FLNB: variants seen among roughly 807,000 people sequenced by gnomAD.
FLNB encodes filamin B.
FLNB carries 111 observed loss-of-function variants against 250.6 expected under a neutral mutation model. That is an observed-to-expected ratio of 0.44 (90% CI 0.38 to 0.52). The LOEUF (loss-of-function observed/expected upper bound fraction) is 0.52, where lower values mean the gene tolerates loss of function less well. Among genes scored for constraint, FLNB ranks in the 20% least tolerant of loss-of-function variants. The pLI is 0.00. For synonymous variants in FLNB, 1,302 were observed against 1,372.1 expected (o/e 0.95, Z 1.13); for missense variants, 2,869 against 3,447.8 (o/e 0.83, Z 4.20).
chr3:58,148,308 C>A lies in FLNB; in HGVS notation c.5831C>A (p.Ala1944Asp). 1 of 1,614,080 alleles carries A rather than the reference C, an allele frequency of 6.2e-7. No individual in the cohort carries two copies. The highest frequency in any genetic ancestry group is 8.5e-7 in the Non-Finnish European group (1 of 1,179,978). Residue 1944 changes from alanine to aspartate, a missense_variant, in exon 35 of 46, where the codon GCC (alanine) becomes GAC (aspartate). This residue lies in a region of FLNB where 1,084 missense variants were observed against 1,315.5 expected (regional missense o/e 0.82). Coordinates refer to ENST00000295956, the MANE Select transcript of FLNB (RefSeq NM_001457.4). ...AGCAGCCTGACGGCCAGCATTAAGGCCCCATCTGGCCGAGACGAGCCCTGT... is the reference window on the plus strand; with the variant it reads ...AGCAGCCTGACGGCCAGCATTAAGGACCCATCTGGCCGAGACGAGCCCTGT... Reference protein sequence around the residue: ...DLSSLTASIKAPSGRDEPCLL... With the variant: ...DLSSLTASIKDPSGRDEPCLL...
intron 2 of FLNB, 87 bp downstream of exon 2, chr3:58,077,381 TTTGC>T (rs2097203173): frequency 2.0e-6 from 3 of 1,486,996 alleles, no homozygotes. Flanking sequence ...GAATGCTATC[TTTGC>T]TTTGATTAGC....
chr3:58,044,692 T>A (rs542508332), intron 1 of FLNB, among the ~76,000 whole-genome samples: 1 of 152,254 alleles, frequency 6.6e-6, no homozygotes, highest in Non-Finnish European at 1.5e-5. Context: ...TAGGAAGATA[T>A]CAGCTGAAGC....
intron 4 of FLNB, among the ~76,000 whole-genome samples, chr3:58,094,443 A>C (rs1370428979): frequency 1.3e-5 from 2 of 152,266 alleles, no homozygotes; most frequent in Non-Finnish European, 2.9e-5. Flanking sequence ...TAAAAAGGTT[A>C]ATTAAAAAAA....
intron 4 of FLNB, among the ~76,000 whole-genome samples, chr3:58,092,401 T>C (rs1259936293): frequency 2.6e-5 from 4 of 152,230 alleles, no homozygotes; most frequent in African/African-American, 7.2e-5. Flanking sequence ...CCCAGCACTT[T>C]GGGAGGCTGA....
At chr3:58,122,825 G>A (rs575363705) in intron 20 of FLNB, among the ~76,000 whole-genome samples, 40 of 152,290 alleles carry the variant, frequency 2.6e-4, no homozygotes, top group African/African-American at 8.9e-4. Flanking sequence ...GGGTCAGGTT[G>A]GGTAGGAGAG....
In FLNB at chr3:58,087,454, T is replaced by G. The variant is rs146760899; in HGVS notation, c.787+5678T>G. ...GCAGTGCTCTCTACATCTGTGTTTG[T>G]AATTCTTTTTTTTTTTTGAGACGGA... is the stretch of plus-strand genomic sequence containing the variant. On this transcript the variant is annotated intron_variant, in intron 4 of 45. Coordinates refer to ENST00000295956, the MANE Select transcript of FLNB (RefSeq NM_001457.4). Among the ~76,000 whole-genome samples the G allele has an allele frequency of 5.7e-3, 866 of 152,070 alleles. 5 individuals carry two copies. The highest frequency in any genetic ancestry group is 0.02 in the African/African-American group (821 of 41,486).
chr3:58,149,714 A>T, intron 36 of FLNB, 136 bp from the exon 37 acceptor site: 5 of 1,131,470 alleles, frequency 4.4e-6, no homozygotes, highest in Non-Finnish European at 6.5e-6. Context: ...GGCTTTGCAA[A>T]CGAGGCCGCC....
intron 1 of FLNB, among the ~76,000 whole-genome samples, chr3:58,039,071 C>T (rs115202399): frequency 0.039 from 5,829 of 148,994 alleles, 359 homozygotes; most frequent in African/African-American, 0.14. Context: ...TCTGTCACCC[C>T]GGCTGGAATG....
intron 1 of FLNB, among the ~76,000 whole-genome samples, chr3:58,041,895 C>T (rs1360842971): frequency 6.6e-6 from 1 of 152,170 alleles, no homozygotes; most frequent in Non-Finnish European, 1.5e-5. Flanking sequence ...CAAACAGCAC[C>T]AGAAGGGTTC....
In FLNB at chr3:58,154,763, C is replaced by T. The variant is rs772171785; in HGVS notation, c.6635-28C>T. Reference sequence around the variant, plus strand: ...GGACAGGGGCTCTGTGGGGCTCAGTCACTAACCAGGTTTCTCTTTGCTCTC... The same window carrying T: ...GGACAGGGGCTCTGTGGGGCTCAGTTACTAACCAGGTTTCTCTTTGCTCTC... On this transcript the variant is annotated intron_variant, in intron 39 of 45. Transcript: ENST00000295956. 5.0e-6 allele frequency: 8 copies of T among 1,612,668 alleles called. No homozygotes were observed. In the South Asian group the frequency reaches 8.8e-5, roughly 18 times the overall value.
chr3:58,150,110 C>T lies in FLNB; in HGVS notation c.6250C>T (p.Pro2084Ser). 1.2e-6 allele frequency: 2 copies of T among 1,614,206 alleles called. No individual in the cohort carries two copies. The highest frequency in any genetic ancestry group is 1.7e-6 in the Non-Finnish European group (2 of 1,180,032). Residue 2084 changes from proline (P) to serine (S), a missense_variant, in exon 38 of 46, where the codon CCA becomes TCA. Transcript: ENST00000295956. ...AGCCTTCTTGGGTCTTGCAGGGAGC[C>T]CATTTACCGTGAAGATCAGTGGGGA... ...KFADEHVPGS[P>S]FTVKISGEGR...
At chr3:58,029,753 C>A (rs989660587) in intron 1 of FLNB, among the ~76,000 whole-genome samples, 7 of 151,978 alleles carry the variant, frequency 4.6e-5, no homozygotes, top group Non-Finnish European at 1.0e-4. Context: ...TCCCAACCCC[C>A]CCGACCTCCC....
At chr3:58,131,016 A>G (rs1397973473) in intron 25 of FLNB, 108 bp downstream of exon 25, 1 of 999,890 alleles carries the variant, frequency 1.0e-6, no homozygotes, top group African/African-American at 1.6e-5. Context: ...GCTTAAAATT[A>G]AATTAAAAAA....
chr3:58,106,404 C>T (rs1307311122), intron 11 of FLNB, among the ~76,000 whole-genome samples: 1 of 145,148 alleles, frequency 6.9e-6, no homozygotes, highest in Non-Finnish European at 1.5e-5. Context: ...GATCCACCTG[C>T]CTCGGCCCTC....
chr3:58,033,891 C>T (rs1237089224), intron 1 of FLNB, among the ~76,000 whole-genome samples: 1 of 152,120 alleles, frequency 6.6e-6, no homozygotes, highest in Non-Finnish European at 1.5e-5. Flanking sequence ...GACGGAGTCT[C>T]ACTCTGTTGA....
At position 58,136,090 on chromosome 3, in the gene FLNB, G is replaced by A. The variant is rs1313444262; in HGVS notation, c.4783G>A (p.Gly1595Arg). 3 of 1,614,078 alleles carry A rather than the reference G, an allele frequency of 1.9e-6. No individual in the cohort carries two copies. Among genetic ancestry groups the A allele is most frequent in the Admixed American group, 3.3e-5 (2 of 59,998 alleles). ...TGRYMIGVTY[G>R]GDDIPLSPYR... The stretch of plus-strand genomic sequence containing the variant: ...GCGCTATATGATTGGAGTCACCTAC[G>A]GGGGTGACGACATCCCACTTTCTCC... The change falls in exon 28 of 46, where the codon GGG becomes AGG. Residue 1595 changes from glycine to arginine, a missense_variant. Physicochemically the swap from Gly to Arg is moderately radical, Grantham distance 125. This residue lies in a region of FLNB where 126 missense variants were observed against 182.0 expected (regional missense o/e 0.69). Transcript: ENST00000295956.
chr3:58,116,406 C>G (rs1224497513), intron 18 of FLNB, among the ~76,000 whole-genome samples: 6 of 152,134 alleles, frequency 3.9e-5, no homozygotes, highest in Non-Finnish European at 5.9e-5. Context: ...GCGCTTCCCC[C>G]TCAGAACACA....
chr3:58,131,014 T>G, intron 25 of FLNB, 106 bp downstream of exon 25: 2 of 1,085,352 alleles, frequency 1.8e-6, no homozygotes, highest in Non-Finnish European at 2.7e-6. Context: ...GAGCTTAAAA[T>G]TAAATTAAAA....
chr3:58,137,047 TG>T (rs2097317401), intron 28 of FLNB, among the ~76,000 whole-genome samples: 1 of 152,160 alleles, frequency 6.6e-6, no homozygotes, highest in Admixed American at 6.5e-5. Flanking sequence ...GAACAGCCCT[TG>T]GGCAGCTCAG....
Sources: allele counts gnomAD v4.1 joint callset (sites outside exome capture counted in the v4.1 genomes callset), GRCh38; gene constraint gnomAD v4.1.1; regional missense constraint gnomAD v4.1.1; transcripts MANE v1.5; gene names NCBI Gene and HGNC (gene_info 2026-07-23, HGNC 2026-07-21).